The following LPGAT1 variants were observed in gnomAD, a reference collection of about 807,000 sequenced individuals.
LPGAT1 encodes acyl-CoA:lysophosphatidylglycerol acyltransferase 1.
Under a neutral mutation model 47.5 loss-of-function variants are expected in LPGAT1, and 11 were observed. The observed-to-expected ratio is 0.23, with a 90% CI of 0.15 to 0.38. The LOEUF is 0.38. LPGAT1 is among the 10% of genes least tolerant of loss of function. The probability of loss-of-function intolerance (pLI) is 1.00; values close to 1 mark genes in which losing one functional copy is unlikely to be tolerated. For missense variants in LPGAT1, 293 were observed against 439.0 expected, an observed-to-expected ratio of 0.67 and a Z score of 2.97; for synonymous variants, 138 against 144.2, an observed-to-expected ratio of 0.96 and a Z score of 0.31.
At position 211,830,703 on chromosome 1, in the gene LPGAT1, GC is replaced by G; in HGVS notation, c.-159del. On this transcript the variant is annotated 5_prime_UTR_variant, in exon 1 of 8. Coordinates refer to ENST00000366997, the MANE Select transcript of LPGAT1 (RefSeq NM_014873.3). This position sits in a 1 kb window ranked among gnomAD's most constrained non-coding sequence, Gnocchi z 5.9. ...CCGCTCCGGCTGTGGCGCGGCCCGC[GC>G]CCGTTCCCCGGCGGCGCCGAGACTC... 8.4e-7 allele frequency: 1 copy of G among 1,188,118 alleles called. No homozygotes were observed. The highest frequency in any genetic ancestry group is 1.0e-6 in the Non-Finnish European group (1 of 959,744). 73.6% of individuals were successfully genotyped at this position (1,188,118 alleles called of 1,614,324 possible). A position where few individuals can be genotyped will look rare whatever the true frequency, so the allele number is the denominator to read the frequency against.
intron 2 of LPGAT1, among the ~76,000 whole-genome samples, chr1:211,818,621 T>A (rs1458815468): frequency 6.6e-6 from 1 of 152,228 alleles, no homozygotes; most frequent in Non-Finnish European, 1.5e-5. Context: ...CAGCAAACCC[T>A]AATTTTAGAT....
chr1:211,769,775 C>G (rs973233198), intron 6 of LPGAT1, among the ~76,000 whole-genome samples: 1 of 152,172 alleles, frequency 6.6e-6, no homozygotes. Context: ...AGAGGTCACT[C>G]CTGTTCCCAT....
At position 211,746,897 on chromosome 1, in the gene LPGAT1, G is replaced by A. The variant is rs1413069379; in HGVS notation, c.*3002C>T. ...ACTTTTGCAGTGACTGGACCTGCCT[G>A]TGGCCAAGCACATGTTCCATCACTG... On this transcript the variant is annotated 3_prime_UTR_variant, in exon 8 of 8. Transcript: ENST00000366997. The A allele has an allele frequency of 1.3e-5, 2 of 152,166 alleles. No homozygotes were observed. Among genetic ancestry groups the A allele is most frequent in the Non-Finnish European group, 2.9e-5 (2 of 68,020 alleles). The allele number at this position is 152,166 out of a possible 1,614,324, so 9.4% of individuals were successfully genotyped here. A position where few individuals can be genotyped will look rare whatever the true frequency, so the allele number is the denominator to read the frequency against.
chr1:211,823,228 G>A (rs1660421616), intron 2 of LPGAT1, among the ~76,000 whole-genome samples: 1 of 152,092 alleles, frequency 6.6e-6, no homozygotes, highest in South Asian at 2.1e-4. Context: ...ATAACAAAAG[G>A]AGAAGTGATA....
intron 6 of LPGAT1, 151 bp from the exon 7 acceptor site, chr1:211,751,218 G>A (rs376787134): frequency 1.0e-5 from 6 of 584,994 alleles, no homozygotes; most frequent in South Asian, 2.5e-5. Flanking sequence ...CAGGTATCTT[G>A]GTTATTAAAA....
rs1659602565 is a variant in LPGAT1 at position 211,802,193 on chromosome 1, T to G, written c.239-9003A>C. Among the ~76,000 whole-genome samples the G allele has an allele frequency of 2.6e-5, 4 of 151,902 alleles. No individual in the cohort carries two copies. The South Asian group carries it at 8.3e-4, about 32-fold the overall frequency. The stretch of plus-strand genomic sequence containing the variant: ...CACTTCTTTTCTATGAAGCCCCCTG[T>G]GCCACATAAAAAATGCTAACATCAA... On this transcript the variant is annotated intron_variant, in intron 2 of 7. Coordinates refer to ENST00000366997, the MANE Select transcript of LPGAT1 (RefSeq NM_014873.3).
At chr1:211,794,118 C>A (rs1189406356) in intron 2 of LPGAT1, among the ~76,000 whole-genome samples, 1 of 152,136 alleles carries the variant, frequency 6.6e-6, no homozygotes, top group African/African-American at 2.4e-5. Context: ...CCTTCAGATT[C>A]TATTTTATAA....
rs555217615 is a variant in LPGAT1, at chr1:211,820,710, C to T, written c.238+8349G>A. ...AAAAATAACAGATATAAAAGACATA[C>T]AAAAGGAGATTCAACATACATATAA... On this transcript the variant is annotated intron_variant, in intron 2 of 7. Coordinates refer to ENST00000366997, the MANE Select transcript of LPGAT1 (RefSeq NM_014873.3). 3.3e-5 allele frequency among the ~76,000 whole-genome samples: 5 copies of T among 152,012 alleles called. No individual in the cohort carries two copies. In the East Asian group the frequency reaches 9.6e-4, roughly 29 times the overall value.
intron 6 of LPGAT1, among the ~76,000 whole-genome samples, chr1:211,765,742 A>G (rs1657881814): frequency 6.6e-6 from 1 of 152,202 alleles, no homozygotes; most frequent in East Asian, 1.9e-4. Flanking sequence ...ATAACCCAGT[A>G]AATTAGCTTT....
intron 6 of LPGAT1, among the ~76,000 whole-genome samples, chr1:211,771,037 C>T (rs1014963931): frequency 2.7e-5 from 4 of 147,786 alleles, no homozygotes; most frequent in Admixed American, 6.8e-5. Flanking sequence ...GTGGAGGTTG[C>T]AGTAAGCTAA....
chr1:211,772,086 T>C (rs1183250707), intron 6 of LPGAT1, among the ~76,000 whole-genome samples: 1 of 152,182 alleles, frequency 6.6e-6, no homozygotes, highest in African/African-American at 2.4e-5. Flanking sequence ...TTATTGTTGT[T>C]GAGATAAAAT....
chr1:211,769,263 G>A (rs1476678424), intron 6 of LPGAT1, among the ~76,000 whole-genome samples: 1 of 152,118 alleles, frequency 6.6e-6, no homozygotes, highest in Non-Finnish European at 1.5e-5. Flanking sequence ...TTTAAATTTA[G>A]AAGCAAAAAG....
At chr1:211,804,230 T>C (rs548550510) in intron 2 of LPGAT1, among the ~76,000 whole-genome samples, 19 of 152,244 alleles carry the variant, frequency 1.2e-4, no homozygotes, top group African/African-American at 4.6e-4. Flanking sequence ...TTTTACTTTT[T>C]GTAGAGACAG....
At chr1:211,775,931 CA>C (rs201006748) in intron 6 of LPGAT1, among the ~76,000 whole-genome samples, 1,355 of 77,254 alleles carry the variant, frequency 0.018, 4 homozygotes, top group South Asian at 0.022. Flanking sequence ...AATGCCATCT[CA>C]AAAAAAAAAA....
rs561238868 is a variant in LPGAT1 at position 211,792,415 on chromosome 1, C to A, written c.357+657G>T. The A allele has an allele frequency of 1.8e-4, 26 of 144,482 alleles. 1 individual carries two copies. The highest frequency in any genetic ancestry group is 3.8e-4 in the Non-Finnish European group (24 of 63,102). 9.0% of individuals were successfully genotyped at this position (144,482 alleles called of 1,614,324 possible). A position where few individuals can be genotyped will look rare whatever the true frequency, so the allele number is the denominator to read the frequency against. On this transcript the variant is annotated intron_variant, in intron 3 of 7. Transcript: ENST00000366997. ...GCACCACTGTGCCAGGCTAAAGCTG[C>A]TTTTTGTGTTTGTATTTTTCAAACT...
intron 6 of LPGAT1, 126 bp downstream of exon 6, chr1:211,778,792 G>T: frequency 1.5e-6 from 1 of 659,784 alleles, no homozygotes; most frequent in Non-Finnish European, 2.3e-6. Flanking sequence ...TATTAAAAAT[G>T]CAGCATAAGA....
intron 2 of LPGAT1, among the ~76,000 whole-genome samples, chr1:211,797,216 A>G (rs1404179545): frequency 6.6e-6 from 1 of 152,128 alleles, no homozygotes; most frequent in Non-Finnish European, 1.5e-5. Context: ...AGATTGAGCC[A>G]CTGCACTCCA....
At chr1:211,750,368 C>T (rs1657125519) in intron 7 of LPGAT1, among the ~76,000 whole-genome samples, 1 of 152,162 alleles carries the variant, frequency 6.6e-6, no homozygotes, top group African/African-American at 2.4e-5. Context: ...GGAACTTTTT[C>T]CAATTGGTCA....
chr1:211,744,199 T>C lies in LPGAT1; in HGVS notation c.*5700A>G, dbSNP rs1656855094. ...AAGTAGATTAACTATGAGAAGTTTA[T>C]TCAACACTAATAGTTAAGAAAAAAA... On this transcript the variant is annotated 3_prime_UTR_variant, in exon 8 of 8. Coordinates refer to ENST00000366997, the MANE Select transcript of LPGAT1 (RefSeq NM_014873.3). 6.6e-6 allele frequency: 1 copy of C among 152,212 alleles called. No individual in the cohort carries two copies. Among genetic ancestry groups the C allele is most frequent in the South Asian group, 2.1e-4 (1 of 4,830 alleles). The allele number at this position is 152,212 out of a possible 1,614,324, so 9.4% of individuals were successfully genotyped here.
Sources: allele counts gnomAD v4.1 joint callset (sites outside exome capture counted in the v4.1 genomes callset), GRCh38; gene constraint gnomAD v4.1.1; non-coding constraint Gnocchi (gnomAD v3.1); transcripts MANE v1.5; gene names NCBI Gene and HGNC (gene_info 2026-07-23, HGNC 2026-07-21).